The following THEMIS variants were observed in gnomAD, a reference collection of about 807,000 sequenced individuals.
THEMIS encodes protein THEMIS.
A neutral mutation model predicts 52.6 loss-of-function variants in THEMIS; 37 were observed. That is an observed-to-expected ratio of 0.70 (90% CI 0.54 to 0.93). The LOEUF (loss-of-function observed/expected upper bound fraction) is 0.93, where lower values mean the gene tolerates loss of function less well. THEMIS is among the 40% of genes least tolerant of loss of function. The probability of loss-of-function intolerance (pLI) is 0.00; values close to 1 mark genes in which losing one functional copy is unlikely to be tolerated. For synonymous variants in THEMIS, 292 were observed against 272.7 expected (o/e 1.07, Z -0.70); for missense variants, 808 against 763.1 (o/e 1.06, Z -0.69).
At chr6:127,908,839 C>A (rs1238370495) in intron 1 of THEMIS, among the ~76,000 whole-genome samples, 1 of 151,672 alleles carries the variant, frequency 6.6e-6, no homozygotes, top group African/African-American at 2.4e-5. Flanking sequence ...TCTCTTATAA[C>A]TGAGAGAAAC....
rs118110876 is a variant in THEMIS at position 127,913,767 on chromosome 6, T to C, written c.-150+4661A>G. ...TGAATATTTTTCTCTTGTATAACAT[T>C]TTACAGCTCATGCATTAGAATTCAA... On this transcript the variant is annotated intron_variant, in intron 1 of 6. Coordinates refer to the THEMIS transcript ENST00000368250. 4.6e-5 allele frequency among the ~76,000 whole-genome samples: 7 copies of C among 152,330 alleles called. No individual in the cohort carries two copies. In the East Asian group the frequency reaches 1.3e-3, roughly 29 times the overall value.
At chr6:127,818,028 T>G (rs916518257) in intron 3 of THEMIS, among the ~76,000 whole-genome samples, 1 of 152,196 alleles carries the variant, frequency 6.6e-6, no homozygotes, top group Admixed American at 6.5e-5. Flanking sequence ...TAGCACAGCC[T>G]AACCAACTTG....
intron 1 of THEMIS, among the ~76,000 whole-genome samples, chr6:127,891,082 C>A (rs992168560): frequency 6.6e-6 from 1 of 152,054 alleles, no homozygotes; most frequent in Non-Finnish European, 1.5e-5. Flanking sequence ...ATGTCCAAAA[C>A]AAAACTTTTG....
At chr6:127,878,616 A>G in intron 1 of THEMIS, among the ~76,000 whole-genome samples, 1 of 152,218 alleles carries the variant, frequency 6.6e-6, no homozygotes, top group Non-Finnish European at 1.5e-5. Context: ...TGAATGACAA[A>G]ATGGATTCTG....
intron 3 of THEMIS, among the ~76,000 whole-genome samples, chr6:127,818,213 G>A (rs1778202335): frequency 6.6e-6 from 1 of 152,024 alleles, no homozygotes. Flanking sequence ...TCCCAAAGGG[G>A]ACAAAAAAGC....
intron 2 of THEMIS, among the ~76,000 whole-genome samples, chr6:127,847,953 A>G (rs916028138): frequency 4.6e-5 from 7 of 150,634 alleles, no homozygotes; most frequent in African/African-American, 1.2e-4. Flanking sequence ...GTTTTAGGGT[A>G]CATGTGCACA....
chr6:127,901,088 G>A, upstream of THEMIS: 1 of 627,658 alleles, frequency 1.6e-6, no homozygotes, highest in Non-Finnish European at 2.8e-6. Flanking sequence ...AGCTCTATGT[G>A]GGGAGGACAA....
At chr6:127,716,689 C>T (rs373882492) in intron 5 of THEMIS, among the ~76,000 whole-genome samples, 99 of 152,024 alleles carry the variant, frequency 6.5e-4, no homozygotes, top group African/African-American at 2.2e-3. Context: ...GTAAATCAAC[C>T]CAGGGAACTG....
intron 3 of THEMIS, among the ~76,000 whole-genome samples, chr6:127,826,939 A>ATT (rs146784148): frequency 4.1e-4 from 61 of 150,252 alleles, no homozygotes; most frequent in African/African-American, 1.4e-3. Context: ...AAACATTTTT[A>ATT]TTTTTTTTTT....
Position 127,747,275 on chromosome 6 carries a change from T to C in THEMIS, c.1759-27452A>G, listed in dbSNP as rs1023858561. Among the ~76,000 whole-genome samples, 22 of 140,946 alleles carry C rather than the reference T, an allele frequency of 1.6e-4. 1 individual carries two copies. The East Asian group carries it at 3.6e-3, about 23-fold the overall frequency. The allele number at this position is 140,946 out of a possible 152,430, so 92.5% of individuals were successfully genotyped here. A position where few individuals can be genotyped will look rare whatever the true frequency, so the allele number is the denominator to read the frequency against. On this transcript the variant is annotated intron_variant, in intron 4 of 5. Coordinates refer to ENST00000368248, the MANE Select transcript of THEMIS (RefSeq NM_001010923.3). ...TCTATAATTATAGCTATCTCTATAT[T>C]ACATATAGAGATATCTATCTGTTAA... is the stretch of plus-strand genomic sequence containing the variant.
intron 1 of THEMIS, among the ~76,000 whole-genome samples, chr6:127,878,252 G>A (rs1270004767): frequency 1.3e-5 from 2 of 152,222 alleles, no homozygotes; most frequent in African/African-American, 2.4e-5. Context: ...ATGCTCTACC[G>A]TTCCAGCTCA....
At chr6:127,906,946 T>TA (rs1310830249) in intron 1 of THEMIS, among the ~76,000 whole-genome samples, 260 of 146,526 alleles carry the variant, frequency 1.8e-3, no homozygotes, top group African/African-American at 6.0e-3. Context: ...GTCTGAATGT[T>TA]AAAAAACAAA....
Position 127,880,546 on chromosome 6 carries a change from C to T in THEMIS, c.91+20296G>A, listed in dbSNP as rs1184427708. On this transcript the variant is annotated intron_variant, in intron 1 of 5. Coordinates refer to ENST00000368248, the MANE Select transcript of THEMIS (RefSeq NM_001010923.3). Reference sequence around the variant, plus strand: ...AAAACTTTTTTGAATATGTTTTAAGCTTTTCCTGATGCCAAAAGACAAATT... The same window carrying T: ...AAAACTTTTTTGAATATGTTTTAAGTTTTTCCTGATGCCAAAAGACAAATT... Among the ~76,000 whole-genome samples, 20 of 141,554 alleles carry T rather than the reference C, an allele frequency of 1.4e-4. 1 individual carries two copies. Among genetic ancestry groups the T allele is most frequent in the Non-Finnish European group, 7.6e-5 (5 of 65,872 alleles). The allele number at this position is 141,554 out of a possible 152,430, so 92.9% of individuals were successfully genotyped here.
intron 4 of THEMIS, among the ~76,000 whole-genome samples, chr6:127,788,886 A>C (rs182208361): frequency 3.3e-5 from 5 of 152,354 alleles, no homozygotes; most frequent in Admixed American, 1.3e-4. Flanking sequence ...AGTAGTGTTT[A>C]GAGTGAAATT....
At chr6:127,787,880 T>TAGATAG (rs200767496) in intron 4 of THEMIS, among the ~76,000 whole-genome samples, 3,881 of 119,888 alleles carry the variant, frequency 0.032, 76 homozygotes, top group East Asian at 0.077. Context: ...GATAGATAGA[T>TAGATAG]ATAGATAGAT....
At chr6:127,815,031 G>A (rs1778077253) in intron 3 of THEMIS, among the ~76,000 whole-genome samples, 1 of 152,086 alleles carries the variant, frequency 6.6e-6, no homozygotes, top group African/African-American at 2.4e-5. Flanking sequence ...CTGGTGGCAT[G>A]TCCCAGCTAC....
chr6:127,765,682 G>A (rs1776172431), intron 4 of THEMIS, among the ~76,000 whole-genome samples: 1 of 151,926 alleles, frequency 6.6e-6, no homozygotes, highest in African/African-American at 2.4e-5. Flanking sequence ...GTTTAGATAA[G>A]TTTAGATACA....
intron 4 of THEMIS, among the ~76,000 whole-genome samples, chr6:127,746,856 T>A (rs866555084): frequency 3.7e-5 from 2 of 53,876 alleles, no homozygotes; most frequent in East Asian, 7.8e-4. Flanking sequence ...TAATTATATA[T>A]TATTATATAA....
chr6:127,865,479 C>T (rs1257797018), intron 1 of THEMIS, among the ~76,000 whole-genome samples: 1 of 151,976 alleles, frequency 6.6e-6, no homozygotes, highest in Non-Finnish European at 1.5e-5. Flanking sequence ...AAAAGTTGTC[C>T]AAGACTTGAA....
Sources: allele counts gnomAD v4.1 joint callset (sites outside exome capture counted in the v4.1 genomes callset), GRCh38; gene constraint gnomAD v4.1.1; transcripts MANE v1.5; gene names NCBI Gene and HGNC (gene_info 2026-07-23, HGNC 2026-07-21).